Variants in PIK3R3 observed in about 807,000 individuals in gnomAD.
PIK3R3 encodes phosphoinositide-3-kinase regulatory subunit 3, also known as phosphatidylinositol 3-kinase regulatory subunit gamma.
Under a neutral mutation model 62.9 loss-of-function variants are expected in PIK3R3, and 64 were observed. The ratio of observed to expected loss-of-function variants is 1.02; its 90% CI spans 0.83 to 1.25. PIK3R3 has a LOEUF of 1.25. Ranked by LOEUF, PIK3R3 falls within the 50% of genes most tolerant of loss-of-function variation. PIK3R3 has a pLI of 0.00. For missense variants in PIK3R3, 614 were observed against 561.6 expected (o/e 1.09, Z -0.94); for synonymous variants, 165 against 189.0 (o/e 0.87, Z 1.04).
chr1:46,111,733 G>C (rs924139738), intron 1 of PIK3R3, among the ~76,000 whole-genome samples: 2 of 142,168 alleles, frequency 1.4e-5, no homozygotes, highest in East Asian at 3.9e-4. Context: ...TCAAAAAAAA[G>C]GGTGGGGGGG....
chr1:46,046,902 C>G (rs1647130201), intron 7 of PIK3R3: 1 of 511,072 alleles, frequency 2.0e-6, no homozygotes, highest in Non-Finnish European at 3.5e-6. Flanking sequence ...GATGTGCCAC[C>G]ACAAGCACAC....
chr1:46,053,601 T>G (rs956263978), intron 7 of PIK3R3, among the ~76,000 whole-genome samples: 8 of 152,076 alleles, frequency 5.3e-5, no homozygotes, highest in African/African-American at 1.9e-4. Context: ...GAAGGTGCCA[T>G]CTATGAACCA....
At chr1:46,091,469 C>G (rs1651627883) in intron 1 of PIK3R3, among the ~76,000 whole-genome samples, 1 of 100,922 alleles carries the variant, frequency 9.9e-6, no homozygotes, top group African/African-American at 3.5e-5. Context: ...TGGTTATAAA[C>G]ACACACACAC....
At position 46,040,722 on chromosome 1, in the gene PIK3R3, A is replaced by G. The variant is rs940924010; in HGVS notation, c.*2951T>C. 9.9e-6 allele frequency: 2 copies of G among 201,596 alleles called. No individual in the cohort carries two copies. Among genetic ancestry groups the G allele is most frequent in the African/African-American group, 2.3e-5 (1 of 43,558 alleles). The allele number at this position is 201,596 out of a possible 1,614,324, so 12.5% of individuals were successfully genotyped here. A position where few individuals can be genotyped will look rare whatever the true frequency, so the allele number is the denominator to read the frequency against. On this transcript the variant is annotated 3_prime_UTR_variant, in exon 10 of 10. Transcript: ENST00000262741. ...TGGGGCTGATTACTTGTAGCAAAAA[A>G]GAGACCCGTGGAAGACACATTGGCT... is the stretch of plus-strand genomic sequence containing the variant.
chr1:46,102,093 C>T (rs1000649198), intron 1 of PIK3R3, among the ~76,000 whole-genome samples: 5 of 142,986 alleles, frequency 3.5e-5, no homozygotes, highest in African/African-American at 1.3e-4. Context: ...TCACGCCATT[C>T]TTCTGCCTCA....
intron 1 of PIK3R3, among the ~76,000 whole-genome samples, chr1:46,121,500 A>G (rs1329923044): frequency 6.6e-6 from 1 of 152,190 alleles, no homozygotes; most frequent in African/African-American, 2.4e-5. Flanking sequence ...TCTTAAGTTT[A>G]TAAATAAATA....
chr1:46,125,140 T>G (rs1244748685), intron 1 of PIK3R3, among the ~76,000 whole-genome samples: 1 of 151,972 alleles, frequency 6.6e-6, no homozygotes, highest in Non-Finnish European at 1.5e-5. Flanking sequence ...TAAAAAAGCA[T>G]TCAGCATCAA....
chr1:46,128,244 G>C (rs1416125837), intron 1 of PIK3R3, among the ~76,000 whole-genome samples: 1 of 152,054 alleles, frequency 6.6e-6, no homozygotes, highest in Non-Finnish European at 1.5e-5. Context: ...GGACCAGCCT[G>C]GCCAACATGG....
intron 3 of PIK3R3, among the ~76,000 whole-genome samples, chr1:46,076,721 CTA>C (rs1387560261): frequency 2.0e-5 from 3 of 152,192 alleles, no homozygotes; most frequent in African/African-American, 7.2e-5. Context: ...CACTTTCTAA[CTA>C]TGTGACTTTA....
At chr1:46,049,424 G>A (rs984419614) in intron 7 of PIK3R3, among the ~76,000 whole-genome samples, 8 of 152,208 alleles carry the variant, frequency 5.3e-5, no homozygotes, top group Non-Finnish European at 8.8e-5. Flanking sequence ...TGACGCCTTC[G>A]TCCTGGAAGA....
the PIK3R3 span, among the ~76,000 whole-genome samples, chr1:46,151,385 A>G: frequency 6.6e-6 from 1 of 152,122 alleles, no homozygotes; most frequent in African/African-American, 2.4e-5. Context: ...TTCTAGGATT[A>G]TCCCTCCACA....
chr1:46,056,028 C>T, intron 6 of PIK3R3, 57 bp from the exon 7 acceptor site: 3 of 1,181,982 alleles, frequency 2.5e-6, no homozygotes, highest in Non-Finnish European at 2.4e-6. Context: ...ACAGATCCTA[C>T]TGGGTGAGCA....
At chr1:46,128,837 T>G (rs1225940866) in intron 1 of PIK3R3, among the ~76,000 whole-genome samples, 1 of 152,100 alleles carries the variant, frequency 6.6e-6, no homozygotes, top group Non-Finnish European at 1.5e-5. Context: ...TCCCAGCACT[T>G]TGGGAGGCCG....
In PIK3R3 at chr1:46,085,821, T is replaced by G. The variant is rs577746264; in HGVS notation, c.107-5071A>C. Among the ~76,000 whole-genome samples, 7 of 152,340 alleles carry G rather than the reference T, an allele frequency of 4.6e-5. 1 individual carries two copies. Among genetic ancestry groups the G allele is most frequent in the Middle Eastern group, 6.8e-3 (2 of 294 alleles). ...AAATACCTTCTGAAATGAGTATCCA[T>G]AAAATATATAGCACTTTTATTTCCA... On this transcript the variant is annotated intron_variant, in intron 1 of 9. Transcript: ENST00000262741.
At chr1:46,051,556 C>T (rs56047133) in intron 7 of PIK3R3, among the ~76,000 whole-genome samples, 30,549 of 151,974 alleles carry the variant, frequency 0.2, 3,577 homozygotes, top group Non-Finnish European at 0.26. Context: ...CCACTGCACC[C>T]GGCCACATAG....
chr1:46,061,930 G>A lies in PIK3R3; in HGVS notation c.763C>T (p.Arg255Ter), dbSNP rs200494889. ...CTTGGAGGTACTAAGTAGACTTACC[G>A]TTCAATCTCCTTTTCATTCCCCTCT... ...RREGNEKEIERIMMNYDKLKS... is the reference protein window; with the variant it reads ...RREGNEKEIE Residue 255 changes from arginine to a stop codon, truncating the protein, a stop_gained and splice_region_variant, in exon 6 of 10, where the codon CGA (arginine) becomes TGA (stop). Transcript: ENST00000262741. LOFTEE classifies it high-confidence loss of function. 1.2e-5 allele frequency: 20 copies of A among 1,612,368 alleles called. No individual in the cohort carries two copies. Among genetic ancestry groups the A allele is most frequent in the African/African-American group, 1.3e-5 (1 of 74,856 alleles).
chr1:46,098,534 T>C (rs1447408665), intron 1 of PIK3R3, among the ~76,000 whole-genome samples: 1 of 152,206 alleles, frequency 6.6e-6, no homozygotes, highest in Admixed American at 6.5e-5. Flanking sequence ...TAATGATACA[T>C]ACCACAATTG....
chr1:46,131,045 G>A (rs1236641625), intron 1 of PIK3R3, among the ~76,000 whole-genome samples: 1 of 152,130 alleles, frequency 6.6e-6, no homozygotes, highest in Non-Finnish European at 1.5e-5. Context: ...TACATTACGT[G>A]TATAGGAACA....
intron 1 of PIK3R3, among the ~76,000 whole-genome samples, chr1:46,099,803 T>C (rs1652484442): frequency 6.6e-6 from 1 of 152,192 alleles, no homozygotes; most frequent in Non-Finnish European, 1.5e-5. Context: ...CTCTCTACAA[T>C]GAGGTTCTAG....
Sources: allele counts gnomAD v4.1 joint callset (sites outside exome capture counted in the v4.1 genomes callset), GRCh38; gene constraint gnomAD v4.1.1; transcripts MANE v1.5; gene names NCBI Gene and HGNC (gene_info 2026-07-23, HGNC 2026-07-21).